GLT1D1: variants seen among roughly 807,000 people sequenced by gnomAD.
GLT1D1 encodes the protein glycosyltransferase 1 domain containing 1.
In GLT1D1, 21 loss-of-function variants were observed where a neutral mutation model predicts 28.7. That is an observed-to-expected ratio of 0.73 (90% CI 0.52 to 1.05). GLT1D1 has a LOEUF of 1.05. Ranked by LOEUF, GLT1D1 falls within the 50% of genes least tolerant of loss-of-function variation. The pLI is 0.00. For synonymous variants in GLT1D1, 147 were observed against 124.8 expected, an observed-to-expected ratio of 1.18 and a Z score of -1.19; for missense variants, 343 against 330.6, an observed-to-expected ratio of 1.04 and a Z score of -0.29.
Position 128,913,976 on chromosome 12 carries a change from C to T in GLT1D1, c.375+14689C>T, listed in dbSNP as rs147246762. ...GAGCCCAGGGCTGGCTTGAAATGGGCGCTTGTTAAATAGCCGCTGTCAGTA... is the reference window on the plus strand; with the variant it reads ...GAGCCCAGGGCTGGCTTGAAATGGGTGCTTGTTAAATAGCCGCTGTCAGTA... On this transcript the variant is annotated intron_variant, in intron 4 of 7. Coordinates refer to ENST00000281703, the MANE Select transcript of GLT1D1 (RefSeq NM_144669.3). Among the ~76,000 whole-genome samples, 236 of 152,172 alleles carry T rather than the reference C, an allele frequency of 1.6e-3. 1 individual carries two copies. The highest frequency in any genetic ancestry group is 5.3e-3 in the African/African-American group (220 of 41,524).
intron 1 of GLT1D1, among the ~76,000 whole-genome samples, chr12:128,868,050 G>A (rs1956591427): frequency 6.6e-6 from 1 of 152,226 alleles, no homozygotes; most frequent in African/African-American, 2.4e-5. Flanking sequence ...AAATTGTCTT[G>A]GACAATAAAG....
In GLT1D1 at chr12:128,899,231, A is replaced by C; in HGVS notation, c.324-5A>C. The C allele has an allele frequency of 6.2e-7, 1 of 1,609,372 alleles. No individual in the cohort carries two copies. Among genetic ancestry groups the C allele is most frequent in the Non-Finnish European group, 8.5e-7 (1 of 1,175,674 alleles). The stretch of plus-strand genomic sequence containing the variant: ...TTGTTTCTATTATTTTTGTTCATTT[A>C]CTAGATTTGCTGTCGCTTTCACAGA... On this transcript the variant is annotated splice_region_variant and splice_polypyrimidine_tract_variant and intron_variant, in intron 3 of 7. Coordinates refer to ENST00000281703, the MANE Select transcript of GLT1D1 (RefSeq NM_144669.3).
chr12:128,981,261 T>C (rs113886788), intron 7 of GLT1D1, among the ~76,000 whole-genome samples: 1,686 of 152,262 alleles, frequency 0.011, 35 homozygotes, highest in African/African-American at 0.039. Flanking sequence ...TTTATCACAA[T>C]CTGTTCCTAG....
intron 2 of GLT1D1, among the ~76,000 whole-genome samples, chr12:128,886,571 G>A (rs1377710368): frequency 1.3e-5 from 2 of 152,090 alleles, no homozygotes. Context: ...TTCCAGCCTT[G>A]AGGGGCATCC....
chr12:128,865,788 C>T (rs890868205), intron 1 of GLT1D1, among the ~76,000 whole-genome samples: 2 of 152,030 alleles, frequency 1.3e-5, no homozygotes, highest in African/African-American at 2.4e-5. Context: ...CACCACTGCA[C>T]GCCAGCCTGG....
At chr12:128,928,240 T>C (rs1873487349) in intron 4 of GLT1D1, among the ~76,000 whole-genome samples, 1 of 152,052 alleles carries the variant, frequency 6.6e-6, no homozygotes, top group South Asian at 2.1e-4. Context: ...GGGAGCCTTG[T>C]TGTGTGGAAA....
chr12:128,960,800 AG>A (rs148861799), intron 7 of GLT1D1, among the ~76,000 whole-genome samples: 4,320 of 152,224 alleles, frequency 0.028, 79 homozygotes, highest in Middle Eastern at 0.037. Flanking sequence ...AATATGCGTT[AG>A]AACCAGCATT....
chr12:128,855,839 GC>G (rs374088034), intron 1 of GLT1D1, among the ~76,000 whole-genome samples: 2 of 136,640 alleles, frequency 1.5e-5, no homozygotes, highest in African/African-American at 5.6e-5. Flanking sequence ...TGCAACCTCT[GC>G]CCCCCGGTTC....
chr12:128,960,135 G>T (rs552052059), intron 7 of GLT1D1, among the ~76,000 whole-genome samples: 1 of 152,142 alleles, frequency 6.6e-6, no homozygotes, highest in African/African-American at 2.4e-5. Context: ...ACGGAGTCTC[G>T]TTGCAGACTT....
At chr12:128,914,877 G>T (rs1306472440) in intron 4 of GLT1D1, 56 bp from the exon 6 acceptor site, 3 of 1,167,486 alleles carry the variant, frequency 2.6e-6, no homozygotes, top group South Asian at 2.6e-5. Flanking sequence ...ATAACTCATT[G>T]TATTTCAGCA....
chr12:128,890,816 G>T (rs2686668), intron 3 of GLT1D1, among the ~76,000 whole-genome samples: 51,927 of 151,982 alleles, frequency 0.34, 9,208 homozygotes, highest in Admixed American at 0.42. Context: ...CTGGACAACA[G>T]GGTGAAACTC....
intron 4 of GLT1D1, among the ~76,000 whole-genome samples, chr12:128,933,398 C>G (rs1469131992): frequency 6.6e-6 from 1 of 152,286 alleles, no homozygotes; most frequent in African/African-American, 2.4e-5. Flanking sequence ...TCTTTTACTT[C>G]ATGCAGTTCA....
intron 7 of GLT1D1, among the ~76,000 whole-genome samples, chr12:128,968,429 G>A: frequency 6.6e-6 from 1 of 151,806 alleles, no homozygotes; most frequent in East Asian, 2.0e-4. Context: ...CCAGCACTTT[G>A]GGAGGCTGAG....
chr12:128,906,804 A>G (rs1449636103), intron 4 of GLT1D1: 1 of 621,134 alleles, frequency 1.6e-6, no homozygotes, highest in Non-Finnish European at 2.9e-6. Flanking sequence ...CACTTGTGAA[A>G]GAAAAGTAAC....
intron 2 of GLT1D1, among the ~76,000 whole-genome samples, chr12:128,884,134 A>G (rs1957126177): frequency 6.6e-6 from 1 of 152,230 alleles, no homozygotes; most frequent in African/African-American, 2.4e-5. Context: ...CTGCAGCACT[A>G]TTCAAAACAG....
intron 4 of GLT1D1, among the ~76,000 whole-genome samples, chr12:128,899,575 A>C (rs1157247885): frequency 8.2e-6 from 1 of 121,840 alleles, no homozygotes; most frequent in Non-Finnish European, 1.6e-5. Context: ...TTTGAGACGG[A>C]GTCTTGCTCT....
intron 1 of GLT1D1, among the ~76,000 whole-genome samples, chr12:128,861,644 C>T (rs1257471449): frequency 6.6e-6 from 1 of 152,152 alleles, no homozygotes; most frequent in Non-Finnish European, 1.5e-5. Flanking sequence ...TGTTGTGTTT[C>T]TCCATCTGGA....
chr12:128,981,374 C>G (rs138418608), intron 7 of GLT1D1, among the ~76,000 whole-genome samples: 3 of 152,088 alleles, frequency 2.0e-5, no homozygotes, highest in Non-Finnish European at 4.4e-5. Context: ...AAAGTCTCCA[C>G]GTCAGATAAA....
At chr12:128,873,318 A>G (rs976837960) in intron 1 of GLT1D1, among the ~76,000 whole-genome samples, 8 of 152,206 alleles carry the variant, frequency 5.3e-5, no homozygotes, top group Non-Finnish European at 1.2e-4. Flanking sequence ...TTTCATTAAT[A>G]GTGAATCTTG....
Sources: allele counts gnomAD v4.1 joint callset (sites outside exome capture counted in the v4.1 genomes callset), GRCh38; gene constraint gnomAD v4.1.1; transcripts MANE v1.5; gene names NCBI Gene and HGNC (gene_info 2026-07-23, HGNC 2026-07-21).